TRPV4: variants seen among roughly 807,000 people sequenced by gnomAD.
The protein encoded by TRPV4 is transient receptor potential cation channel subfamily V member 4.
In TRPV4, 58 loss-of-function variants were observed where a neutral mutation model predicts 84.1. The ratio of observed to expected loss-of-function variants is 0.69; its 90% confidence interval spans 0.56 to 0.86. TRPV4 has a LOEUF of 0.86. TRPV4 is among the 40% of genes least tolerant of loss of function. TRPV4 has a pLI of 0.00. For synonymous variants in TRPV4, 489 were observed against 500.9 expected, an observed-to-expected ratio of 0.98 and a Z score of 0.32; for missense variants, 879 against 1,181.1, an observed-to-expected ratio of 0.74 and a Z score of 3.75.
At chr12:109,792,600 G>A in intron 11 of TRPV4, 52 bp downstream of exon 11, 3 of 1,609,594 alleles carry the variant, frequency 1.9e-6, no homozygotes, top group Middle Eastern at 1.7e-4. Flanking sequence ...TGTGGTGTGT[G>A]TGTGACTCCC....
chr12:109,792,356 A>G lies in TRPV4; in HGVS notation c.1891+7T>C, dbSNP rs761560716. On this transcript the variant is annotated splice_region_variant and intron_variant, in intron 12 of 15. Coordinates refer to ENST00000261740, the MANE Select transcript of TRPV4 (RefSeq NM_021625.5). ...CTGCCAGGACCACCTGAGCACCCAG[A>G]GCTCACCTGAAGCGTAGCCGATCAT... The G allele has an allele frequency of 4.3e-6, 7 of 1,613,228 alleles. No homozygotes were observed. In the South Asian group the frequency reaches 7.7e-5, roughly 18 times the overall value.
At chr12:109,816,707 G>A (rs1891866979) in intron 1 of TRPV4, among the ~76,000 whole-genome samples, 1 of 152,178 alleles carries the variant, frequency 6.6e-6, no homozygotes, top group Non-Finnish European at 1.5e-5. Flanking sequence ...GAACCCAGGA[G>A]GCAGAGGTTG....
chr12:109,808,733 A>T (rs1429809129), intron 2 of TRPV4, among the ~76,000 whole-genome samples: 1 of 151,842 alleles, frequency 6.6e-6, no homozygotes, highest in Non-Finnish European at 1.5e-5. Context: ...CCATCCACAC[A>T]TCCACTCACC....
chr12:109,784,469 A>C (rs2136418184), intron 14 of TRPV4, 32 bp from the exon 15 acceptor site: 1 of 1,613,690 alleles, frequency 6.2e-7, no homozygotes, highest in Non-Finnish European at 8.5e-7. Context: ...GTCATGGGGA[A>C]CCCCTCAGAG....
At chr12:109,824,973 A>G (rs1285470604) in intron 1 of TRPV4, among the ~76,000 whole-genome samples, 3 of 152,040 alleles carry the variant, frequency 2.0e-5, no homozygotes, top group Non-Finnish European at 4.4e-5. Context: ...TGGGAGTAAT[A>G]ATTACTACGA....
At chr12:109,809,652 C>CCCATCCATCCAT (rs201492027) in intron 2 of TRPV4, among the ~76,000 whole-genome samples, 1 of 148,296 alleles carries the variant, frequency 6.7e-6, no homozygotes, top group East Asian at 2.1e-4. Flanking sequence ...CACCCACCCA[C>CCCATCCATCCAT]CCATCCATCC....
rs1021306779 is a variant in TRPV4, at chr12:109,795,327, C to T, written c.1333-840G>A. On this transcript the variant is annotated intron_variant, in intron 7 of 15. Coordinates refer to ENST00000261740, the MANE Select transcript of TRPV4 (RefSeq NM_021625.5). ...ATCAGTTTGCACCTGAGATGCTAAA[C>T]CTCCTGCCACCACTAATTTAAATCA... Among the ~76,000 whole-genome samples the T allele has an allele frequency of 2.6e-5, 4 of 152,200 alleles. No individual in the cohort carries two copies. In the South Asian group the frequency reaches 8.3e-4, roughly 32 times the overall value.
intron 7 of TRPV4, among the ~76,000 whole-genome samples, chr12:109,795,162 G>A (rs1890313517): frequency 6.6e-6 from 1 of 152,238 alleles, no homozygotes; most frequent in South Asian, 2.1e-4. Flanking sequence ...GATTCAGAGA[G>A]AAAGATTGAG....
chr12:109,820,225 G>T (rs1327926468), intron 1 of TRPV4, among the ~76,000 whole-genome samples: 2 of 152,270 alleles, frequency 1.3e-5, no homozygotes, highest in Non-Finnish European at 2.9e-5. Context: ...GTTAAGAACT[G>T]CATAGACCAG....
intron 1 of TRPV4, among the ~76,000 whole-genome samples, chr12:109,831,371 C>T (rs977102074): frequency 6.6e-6 from 1 of 152,234 alleles, no homozygotes; most frequent in Non-Finnish European, 1.5e-5. Flanking sequence ...CTGACCCCAT[C>T]CATTCCACAG....
chr12:109,792,450 A>G, intron 11 of TRPV4, 21 bp from the exon 12 acceptor site: 1 of 1,613,098 alleles, frequency 6.2e-7, no homozygotes, highest in Non-Finnish European at 8.5e-7. Flanking sequence ...CAGCGGGATT[A>G]TGGAGGCAAA....
intron 12 of TRPV4, among the ~76,000 whole-genome samples, chr12:109,789,993 A>G (rs1405803559): frequency 3.9e-5 from 6 of 152,040 alleles, no homozygotes; most frequent in Admixed American, 2.0e-4. Flanking sequence ...TGCTACTCTA[A>G]CCCTTGTTTC....
chr12:109,786,250 G>A lies in TRPV4; in HGVS notation c.2336+460C>T, dbSNP rs1459311223. ...CGGAGTCATTCTGCAGATGGGCTGGGTGAGGTCTCCAGCCCTGGAAACTGC... is the reference window on the plus strand; with the variant it reads ...CGGAGTCATTCTGCAGATGGGCTGGATGAGGTCTCCAGCCCTGGAAACTGC... On this transcript the variant is annotated intron_variant, in intron 14 of 15. Transcript: ENST00000261740. This position sits in a 1 kb window ranked among gnomAD's most constrained non-coding sequence, Gnocchi z 4.5. 6.6e-6 allele frequency among the ~76,000 whole-genome samples: 1 copy of A among 152,172 alleles called. No individual in the cohort carries two copies. Among genetic ancestry groups the A allele is most frequent in the Non-Finnish European group, 1.5e-5 (1 of 68,026 alleles).
intron 1 of TRPV4, among the ~76,000 whole-genome samples, chr12:109,831,017 T>C (rs1728342821): frequency 6.6e-6 from 1 of 152,264 alleles, no homozygotes; most frequent in Non-Finnish European, 1.5e-5. Context: ...TTTCCCACTC[T>C]GCAGCCACAG....
intron 3 of TRPV4, among the ~76,000 whole-genome samples, chr12:109,805,275 C>G (rs1558882): frequency 0.49 from 74,220 of 152,106 alleles, 18,870 homozygotes; most frequent in East Asian, 0.89. Context: ...TGAATGAAGG[C>G]GAGAGCTGGG....
In TRPV4 at chr12:109,798,647, G is replaced by A; in HGVS notation, c.1119C>T (p.Pro373=). ...EAVLNNDGLS[P]LMMAAKTGKI... Reference sequence around the variant, plus strand: ...TGCCCGTCTTGGCAGCCATCATGAGGGGCGAGAGGCCGTCGTTGTTGAGCA... The same window carrying A: ...TGCCCGTCTTGGCAGCCATCATGAGAGGCGAGAGGCCGTCGTTGTTGAGCA... The change falls in exon 6 of 16, where the codon CCC becomes CCT. Residue 373 remains proline (P), a synonymous_variant. Coordinates refer to ENST00000261740, the MANE Select transcript of TRPV4 (RefSeq NM_021625.5). The surrounding 1 kb of genome is among the most constrained non-coding windows in gnomAD (Gnocchi z 5.0). The A allele has an allele frequency of 6.2e-7, 1 of 1,612,776 alleles. No individual in the cohort carries two copies. Among genetic ancestry groups the A allele is most frequent in the South Asian group, 1.1e-5 (1 of 91,072 alleles).
intron 1 of TRPV4, among the ~76,000 whole-genome samples, chr12:109,827,898 G>A (rs4766632): frequency 0.77 from 116,564 of 151,934 alleles, 45,015 homozygotes; most frequent in East Asian, 1. Context: ...ACACACATAC[G>A]CACATACACA....
At position 109,793,952 on chromosome 12, in the gene TRPV4, C is replaced by G. The variant is rs569049105; in HGVS notation, c.1562G>C (p.Gly521Ala). ...TACGTTGGTGAAGAAGAACAGGACCCCAGTGAAGAGCGTAATGACCTCGCC... is the reference window on the plus strand; with the variant it reads ...TACGTTGGTGAAGAAGAACAGGACCGCAGTGAAGAGCGTAATGACCTCGCC... Reference protein sequence around the residue: ...LAGEVITLFTGVLFFFTNIKD... With the variant: ...LAGEVITLFTAVLFFFTNIKD... Residue 521 changes from glycine to alanine, a missense_variant, in exon 9 of 16, where the codon GGG becomes GCG. Gly to Ala is a moderately conservative substitution (Grantham distance 60). This residue lies in a region of TRPV4 where 521 missense variants were observed against 686.6 expected (regional missense o/e 0.76). Transcript: ENST00000261740. This position sits in a 1 kb window ranked among gnomAD's most constrained non-coding sequence, Gnocchi z 4.0. 6.2e-7 allele frequency: 1 copy of G among 1,610,462 alleles called. No homozygotes were observed. The highest frequency in any genetic ancestry group is 1.3e-5 in the African/African-American group (1 of 74,976).
In TRPV4 at chr12:109,796,585, C is replaced by T. The variant is rs1890415401; in HGVS notation, c.1272G>A (p.Leu424=). 6.2e-7 allele frequency: 1 copy of T among 1,614,162 alleles called. No individual in the cohort carries two copies. Among genetic ancestry groups the T allele is most frequent in the Non-Finnish European group, 8.5e-7 (1 of 1,180,036 alleles). ...CGGAGGCCTCTTCCCCACACGTGTC[C>T]AGGGAGGAGAGGTCATAAAGCGAGG... The part of the protein sequence containing the change: ...VYSSLYDLSS[L]DTCGEEASVL... The change falls in exon 7 of 16, where the codon CTG becomes CTA. Residue 424 remains leucine (L), a synonymous_variant. Coordinates refer to ENST00000261740, the MANE Select transcript of TRPV4 (RefSeq NM_021625.5). This position sits in a 1 kb window ranked among gnomAD's most constrained non-coding sequence, Gnocchi z 4.2.
Sources: allele counts gnomAD v4.1 joint callset (sites outside exome capture counted in the v4.1 genomes callset), GRCh38; gene constraint gnomAD v4.1.1; regional missense constraint gnomAD v4.1.1; non-coding constraint Gnocchi (gnomAD v3.1); transcripts MANE v1.5; gene names NCBI Gene and HGNC (gene_info 2026-07-23, HGNC 2026-07-21).